CSMD1: variants seen among roughly 807,000 people sequenced by gnomAD.
CSMD1 encodes CUB and sushi domain-containing protein 1.
Under a neutral mutation model 417.5 loss-of-function variants are expected in CSMD1, and 213 were observed. The observed-to-expected ratio is 0.51, with a 90% confidence interval of 0.46 to 0.57. CSMD1 has a LOEUF of 0.57. Among genes scored for constraint, CSMD1 ranks in the 20% least tolerant of loss-of-function variants. The probability of loss-of-function intolerance (pLI) is 0.00; values close to 1 mark genes in which losing one functional copy is unlikely to be tolerated. For synonymous variants in CSMD1, 2,862 were observed against 1,736.8 expected, an observed-to-expected ratio of 1.65 and a Z score of -16.11; for missense variants, 6,923 against 4,529.7, an observed-to-expected ratio of 1.53 and a Z score of -15.17.
chr8:4,145,783 C>G (rs988602595), intron 3 of CSMD1, among the ~76,000 whole-genome samples: 2 of 151,000 alleles, frequency 1.3e-5, no homozygotes, highest in Non-Finnish European at 2.9e-5. Flanking sequence ...TCAGCTCGCA[C>G]CATGAAGAGT....
At chr8:4,255,239 C>A (rs1171503971) in intron 3 of CSMD1, among the ~76,000 whole-genome samples, 2 of 152,132 alleles carry the variant, frequency 1.3e-5, no homozygotes, top group Non-Finnish European at 2.9e-5. Flanking sequence ...ATGGATTTGA[C>A]TAAAATTTTA....
At chr8:4,082,691 G>A (rs1334757802) in intron 3 of CSMD1, among the ~76,000 whole-genome samples, 1 of 151,420 alleles carries the variant, frequency 6.6e-6, no homozygotes, top group Non-Finnish European at 1.5e-5. Context: ...GCATACATGT[G>A]CCATGCTGGT....
intron 5 of CSMD1, among the ~76,000 whole-genome samples, chr8:3,891,001 G>C (rs1563182686): frequency 6.6e-6 from 1 of 151,790 alleles, no homozygotes; most frequent in Non-Finnish European, 1.5e-5. Context: ...TATAGCTAAG[G>C]AAAATGAAGG....
intron 17 of CSMD1, 84 bp from the exon 18 acceptor site, chr8:3,387,766 T>C (rs1001984410): frequency 7.2e-6 from 8 of 1,112,900 alleles, no homozygotes; most frequent in African/African-American, 4.7e-5. Context: ...AACTACGAAA[T>C]AGTCTCAGAA....
intron 5 of CSMD1, among the ~76,000 whole-genome samples, chr8:3,859,594 C>A (rs755855151): frequency 2.0e-5 from 3 of 152,056 alleles, no homozygotes; most frequent in African/African-American, 2.4e-5. Context: ...GCCAGAAAGA[C>A]CAACCATGTT....
At chr8:4,374,411 C>T (rs11990908) in intron 3 of CSMD1, among the ~76,000 whole-genome samples, 1 of 152,030 alleles carries the variant, frequency 6.6e-6, no homozygotes, top group African/African-American at 2.4e-5. Context: ...GGGCTGAAGG[C>T]ACCTGAAAAA....
chr8:4,094,284 T>G (rs1800883363), intron 3 of CSMD1, among the ~76,000 whole-genome samples: 1 of 151,664 alleles, frequency 6.6e-6, no homozygotes, highest in Non-Finnish European at 1.5e-5. Context: ...GGGGAGGCGG[T>G]AGGGAACAAG....
rs180823000 is a variant in CSMD1, at chr8:4,558,181, C to G, written c.302+79161G>C. Reference sequence around the variant, plus strand: ...GGGAAAAGAGTAACTACAAAAGCATCTAAACAAGAGCAGGATGTGATGTAA... The same window carrying G: ...GGGAAAAGAGTAACTACAAAAGCATGTAAACAAGAGCAGGATGTGATGTAA... On this transcript the variant is annotated intron_variant, in intron 2 of 69. Coordinates refer to ENST00000635120, the MANE Select transcript of CSMD1 (RefSeq NM_033225.6). Among the ~76,000 whole-genome samples, 405 of 152,200 alleles carry G rather than the reference C, an allele frequency of 2.7e-3. 3 individuals are homozygous for G. The highest frequency in any genetic ancestry group is 9.1e-3 in the African/African-American group (377 of 41,518).
intron 3 of CSMD1, among the ~76,000 whole-genome samples, chr8:4,240,191 A>G (rs1700111): frequency 2.6e-5 from 4 of 152,186 alleles, no homozygotes; most frequent in African/African-American, 9.7e-5. Context: ...TGAGGTTCCC[A>G]TAACTGTGAT....
intron 7 of CSMD1, among the ~76,000 whole-genome samples, chr8:3,635,598 G>C (rs528638726): frequency 6.7e-6 from 1 of 149,928 alleles, no homozygotes; most frequent in African/African-American, 2.5e-5. Flanking sequence ...ATTCTCCTGC[G>C]TCAACCTCCT....
intron 5 of CSMD1, among the ~76,000 whole-genome samples, chr8:3,997,356 C>A (rs146415778): frequency 4.4e-4 from 67 of 152,272 alleles, no homozygotes; most frequent in Middle Eastern, 3.4e-3. Flanking sequence ...CACCAGAGAA[C>A]TGACCACCCT....
At chr8:4,326,872 C>T (rs1563058565) in intron 3 of CSMD1, among the ~76,000 whole-genome samples, 1 of 151,926 alleles carries the variant, frequency 6.6e-6, no homozygotes, top group Non-Finnish European at 1.5e-5. Context: ...AAAGATTTAA[C>T]TTGGACTATT....
intron 1 of CSMD1, among the ~76,000 whole-genome samples, chr8:4,709,483 G>T (rs958389353): frequency 6.6e-6 from 1 of 152,192 alleles, no homozygotes; most frequent in African/African-American, 2.4e-5. Flanking sequence ...AAGGAACAGG[G>T]GGAGCCTCAT....
chr8:4,318,537 A>T (rs2128882620), intron 3 of CSMD1, among the ~76,000 whole-genome samples: 1 of 152,260 alleles, frequency 6.6e-6, no homozygotes, highest in South Asian at 2.1e-4. Flanking sequence ...ACTGATTAAT[A>T]AAGTTACGTT....
At chr8:3,904,459 G>C (rs2930376) in intron 5 of CSMD1, among the ~76,000 whole-genome samples, 108,963 of 152,050 alleles carry the variant, frequency 0.72, 40,772 homozygotes, top group East Asian at 0.94. Flanking sequence ...AGAGATTTCA[G>C]TAAATGCACA....
At chr8:3,485,508 T>C (rs931828376) in intron 11 of CSMD1, among the ~76,000 whole-genome samples, 1 of 146,790 alleles carries the variant, frequency 6.8e-6, no homozygotes, top group Non-Finnish European at 1.5e-5. Context: ...AGTGAAATTG[T>C]ATAGAACTTC....
chr8:3,013,679 G>A (rs1169428418), intron 52 of CSMD1, among the ~76,000 whole-genome samples: 1 of 151,730 alleles, frequency 6.6e-6, no homozygotes, highest in Non-Finnish European at 1.5e-5. Flanking sequence ...TTGAACCCAG[G>A]AGGTGGAGGT....
At chr8:3,619,938 C>T (rs971492596) in intron 7 of CSMD1, among the ~76,000 whole-genome samples, 1 of 152,010 alleles carries the variant, frequency 6.6e-6, no homozygotes, top group African/African-American at 2.4e-5. Context: ...CCCATTTCTA[C>T]TAAAAATATA....
chr8:4,460,673 A>T (rs571706538), intron 2 of CSMD1, among the ~76,000 whole-genome samples: 1 of 131,578 alleles, frequency 7.6e-6, no homozygotes, highest in East Asian at 1.9e-4. Flanking sequence ...ACTGTAAGAG[A>T]ATTTTATAAA....
Sources: gnomAD v4.1 joint callset for allele counts (sites outside exome capture counted in the v4.1 genomes callset) on GRCh38, gnomAD v4.1.1 for gene constraint, MANE v1.5 for transcripts, NCBI Gene and HGNC (gene_info 2026-07-23, HGNC 2026-07-21) for gene names.